Variants in ZNF577 observed in about 807,000 individuals in gnomAD.
ZNF577 encodes zinc finger protein 577.
ZNF577 carries 14 observed loss-of-function variants against 13.9 expected under a neutral mutation model. That is an observed-to-expected ratio of 1.00 (90% CI 0.66 to 1.57). ZNF577 has a LOEUF of 1.57. Ranked by LOEUF, ZNF577 falls within the 40% of genes most tolerant of loss-of-function variation. ZNF577 has a pLI of 0.00. For synonymous variants in ZNF577, 203 were observed against 202.9 expected, an observed-to-expected ratio of 1.00 and a Z score of 0.00; for missense variants, 555 against 579.2, an observed-to-expected ratio of 0.96 and a Z score of 0.43.
intron 9 of ZNF577, chr19:51,823,808 T>C: frequency 6.2e-7 from 1 of 1,613,674 alleles, no homozygotes; most frequent in Non-Finnish European, 8.5e-7. Flanking sequence ...CTGAGCCTGC[T>C]GGCCACACCG....
chr19:51,847,509 C>T (rs759482163), intron 5 of ZNF577, among the ~76,000 whole-genome samples: 7 of 152,226 alleles, frequency 4.6e-5, no homozygotes, highest in Non-Finnish European at 1.0e-4. Flanking sequence ...TCCCTGTCCT[C>T]GCCGACCACA....
At chr19:51,815,567 T>TG (rs113012667) in intron 9 of ZNF577, among the ~76,000 whole-genome samples, 1 of 143,938 alleles carries the variant, frequency 6.9e-6, no homozygotes, top group African/African-American at 2.6e-5. Flanking sequence ...AGACTCTGTC[T>TG]AAAAAAAAAA....
chr19:51,816,239 A>T (rs1207328560), intron 9 of ZNF577, among the ~76,000 whole-genome samples: 1 of 152,052 alleles, frequency 6.6e-6, no homozygotes, highest in Non-Finnish European at 1.5e-5. Context: ...ACTGTTTTTG[A>T]GCTGTATTCT....
chr19:51,855,399 G>GTGTGTGTGTGTGTGTGTA (rs993998116), intron 5 of ZNF577, among the ~76,000 whole-genome samples: 6 of 142,458 alleles, frequency 4.2e-5, no homozygotes, highest in African/African-American at 1.6e-4. Context: ...GTGTGTGTGT[G>GTGTGTGTGTGTGTGTGTA]TGTGTGTGTC....
At chr19:51,812,170 C>G (rs1320820870) in intron 9 of ZNF577, among the ~76,000 whole-genome samples, 1 of 152,150 alleles carries the variant, frequency 6.6e-6, no homozygotes, top group African/African-American at 2.4e-5. Flanking sequence ...ATTGTTTGCA[C>G]TTAGAGATTG....
rs1017627910 is a variant in ZNF577, at chr19:51,824,912, C to A, written c.*600-13238G>T. The A allele has an allele frequency of 6.8e-6, 6 of 876,630 alleles. No homozygotes were observed. The highest frequency in any genetic ancestry group is 5.1e-5 in the African/African-American group (3 of 58,548). The allele number at this position is 876,630 out of a possible 1,614,324, so 54.3% of individuals were successfully genotyped here. ...TTCCTCTTTCATACCACCACCACCA[C>A]AATCATCAACATAAAGGAAGTCTGT... is the stretch of plus-strand genomic sequence containing the variant. On this transcript the variant is annotated intron_variant and NMD_transcript_variant, in intron 9 of 10. Coordinates refer to the ZNF577 transcript ENST00000638827. This position sits in a 1 kb window ranked among gnomAD's most constrained non-coding sequence, Gnocchi z 4.7.
intron 5 of ZNF577, chr19:51,860,323 T>C (rs1401992433): frequency 6.6e-6 from 1 of 152,262 alleles, no homozygotes; most frequent in African/African-American, 2.4e-5. Flanking sequence ...TGATGTTTAA[T>C]GCTATCTAAT....
intron 5 of ZNF577, chr19:51,861,294 T>G (rs8106102): frequency 0.45 from 70,155 of 157,356 alleles, 16,226 homozygotes; most frequent in South Asian, 0.63. Flanking sequence ...TTTGTTTTTT[T>G]TTTTTTTTGT....
intron 5 of ZNF577, among the ~76,000 whole-genome samples, chr19:51,848,882 A>C (rs972585345): frequency 1.3e-5 from 2 of 152,178 alleles, no homozygotes; most frequent in African/African-American, 4.8e-5. Flanking sequence ...ATTATCTTTT[A>C]TTTTAATAAT....
At chr19:51,874,627 T>C (rs1323020868) in intron 5 of ZNF577, among the ~76,000 whole-genome samples, 1 of 152,184 alleles carries the variant, frequency 6.6e-6, no homozygotes, top group African/African-American at 2.4e-5. Context: ...AAACTGGAAT[T>C]TATGCTAAGA....
rs769560555 is a variant in ZNF577, at chr19:51,824,696, T to C, written c.*600-13022A>G. 1 of 1,614,112 alleles carries C rather than the reference T, an allele frequency of 6.2e-7. No individual in the cohort carries two copies. Among genetic ancestry groups the C allele is most frequent in the South Asian group, 1.1e-5 (1 of 91,080 alleles). On this transcript the variant is annotated intron_variant and NMD_transcript_variant, in intron 9 of 10. Coordinates refer to the ZNF577 transcript ENST00000638827. This position sits in a 1 kb window ranked among gnomAD's most constrained non-coding sequence, Gnocchi z 4.7. The stretch of plus-strand genomic sequence containing the variant: ...ACTTCCAAGAAAGACTGATTCGCTC[T>C]TTGCCCACTAGTTTGGAGAGGGCCC...
intron 5 of ZNF577, among the ~76,000 whole-genome samples, chr19:51,857,891 C>T (rs543530347): frequency 6.6e-6 from 1 of 152,166 alleles, no homozygotes; most frequent in East Asian, 1.9e-4. Context: ...CCAGGCTGGT[C>T]TCAAACTCCT....
rs1483539043 is a variant in ZNF577, at chr19:51,867,105, T to C, written c.*5427A>G. On this transcript the variant is annotated 3_prime_UTR_variant, in exon 6 of 6. Coordinates refer to ENST00000638348, the MANE Select transcript of ZNF577 (RefSeq NM_001370449.1). Reference sequence around the variant, plus strand: ...GTATTCACACTTAAGGCACTCTGTATGAAGCTACATTTCCTCATTCCACCT... The same window carrying C: ...GTATTCACACTTAAGGCACTCTGTACGAAGCTACATTTCCTCATTCCACCT... 2.6e-5 allele frequency among the ~76,000 whole-genome samples: 4 copies of C among 152,236 alleles called. No homozygotes were observed. Among genetic ancestry groups the C allele is most frequent in the Non-Finnish European group, 5.9e-5 (4 of 68,024 alleles).
chr19:51,818,781 G>A (rs1478819600), intron 9 of ZNF577, among the ~76,000 whole-genome samples: 2 of 152,148 alleles, frequency 1.3e-5, no homozygotes, highest in Non-Finnish European at 2.9e-5. Flanking sequence ...CAGAGATGAG[G>A]TCTGGGGATA....
chr19:51,873,255 G>A lies in ZNF577; in HGVS notation c.735C>T (p.Ser245=), dbSNP rs200962137. 4.2e-5 allele frequency: 67 copies of A among 1,612,814 alleles called. No individual in the cohort carries two copies. The highest frequency in any genetic ancestry group is 6.7e-5 in the East Asian group (3 of 44,886). The change falls in exon 6 of 6, where the codon AGC becomes AGT. Residue 245 remains serine, a synonymous_variant. Coordinates refer to ENST00000638348, the MANE Select transcript of ZNF577 (RefSeq NM_001370449.1). ...TCCGGCTGAAGGCTTTTCCGCATTT[G>A]CTGCATCTGTAGGGTTTCTCTCCTG... is the stretch of plus-strand genomic sequence containing the variant. ...THTGEKPYRC[S]KCGKAFSRKC...
At position 51,887,905 on chromosome 19, in the gene ZNF577, C is replaced by A. The variant is rs1318074058; in HGVS notation, c.-1303G>T. 6.6e-6 allele frequency: 1 copy of A among 152,272 alleles called. No homozygotes were observed. The highest frequency in any genetic ancestry group is 1.9e-4 in the East Asian group (1 of 5,186). The allele number at this position is 152,272 out of a possible 1,614,324, so 9.4% of individuals were successfully genotyped here. On this transcript the variant is annotated 5_prime_UTR_variant, in exon 1 of 6. Transcript: ENST00000638348. ...GTCTCTAAACACTCGCCTCTACCCGCCGCCCCGCGAACCCCACACACTGCA... is the reference window on the plus strand; with the variant it reads ...GTCTCTAAACACTCGCCTCTACCCGACGCCCCGCGAACCCCACACACTGCA...
intron 3 of ZNF577, chr19:51,878,825 A>G: frequency 4.2e-6 from 1 of 239,944 alleles, no homozygotes; most frequent in Non-Finnish European, 8.3e-6. Flanking sequence ...CCTCCATGCT[A>G]TAATATACTG....
intron 9 of ZNF577, among the ~76,000 whole-genome samples, chr19:51,818,251 A>C (rs1221576372): frequency 2.0e-5 from 3 of 152,360 alleles, no homozygotes; most frequent in African/African-American, 7.2e-5. Flanking sequence ...TATTCTGATT[A>C]AATGTTCCAA....
At position 51,867,123 on chromosome 19, in the gene ZNF577, T is replaced by C. The variant is rs771993944; in HGVS notation, c.*5409A>G. 1.1e-4 allele frequency among the ~76,000 whole-genome samples: 16 copies of C among 152,252 alleles called. No individual in the cohort carries two copies. Among genetic ancestry groups the C allele is most frequent in the Non-Finnish European group, 2.1e-4 (14 of 68,040 alleles). On this transcript the variant is annotated 3_prime_UTR_variant, in exon 6 of 6. Transcript: ENST00000638348. ...CTCTGTATGAAGCTACATTTCCTCA[T>C]TCCACCTTTACCTGAATCTTGATTT...
Sources: gnomAD v4.1 joint callset for allele counts (sites outside exome capture counted in the v4.1 genomes callset) on GRCh38, gnomAD v4.1.1 for gene constraint, Gnocchi (gnomAD v3.1) non-coding constraint, MANE v1.5 for transcripts, NCBI Gene and HGNC (gene_info 2026-07-23, HGNC 2026-07-21) for gene names.